The following CRKL variants were observed in gnomAD, a reference collection of about 807,000 sequenced individuals.
CRKL encodes the protein CRK like proto-oncogene, adaptor protein.
A neutral mutation model predicts 23.0 loss-of-function variants in CRKL; 3 were observed. That is an observed-to-expected ratio of 0.13 (90% CI 0.06 to 0.34). The LOEUF is 0.34. CRKL is among the 10% of genes least tolerant of loss of function. The pLI, the probability that CRKL is intolerant of heterozygous loss-of-function variation, is 1.00. For synonymous variants in CRKL, 188 were observed against 160.7 expected (o/e 1.17, Z -1.28); for missense variants, 256 against 394.5 (o/e 0.65, Z 2.97).
intron 2 of CRKL, among the ~76,000 whole-genome samples, chr22:20,947,255 T>TC (rs970594671): frequency 6.6e-6 from 1 of 151,872 alleles, no homozygotes; most frequent in Non-Finnish European, 1.5e-5. Flanking sequence ...TTTTTTTTTT[T>TC]CAATAGAAGC....
At chr22:20,927,111 C>CAAAAAAAAAAAAAAAAAAAAAAA (rs371278201) in intron 1 of CRKL, among the ~76,000 whole-genome samples, 116 of 48,488 alleles carry the variant, frequency 2.4e-3, no homozygotes, top group Non-Finnish European at 2.9e-3. Flanking sequence ...GACTCCGTCT[C>CAAAAAAAAAAAAAAAAAAAAAAA]AAAAAAAAAA....
At chr22:20,941,126 G>C (rs1023448380) in intron 2 of CRKL, among the ~76,000 whole-genome samples, 4 of 152,060 alleles carry the variant, frequency 2.6e-5, no homozygotes, top group Middle Eastern at 6.8e-3. Flanking sequence ...CCAGTGTAAT[G>C]GGGCTTCTGT....
Position 20,917,732 on chromosome 22 carries a change from G to C in CRKL, c.-203G>C, listed in dbSNP as rs1929742625. The C allele has an allele frequency of 3.3e-6, 2 of 599,750 alleles. No homozygotes were observed. The highest frequency in any genetic ancestry group is 5.9e-5 in the East Asian group (2 of 34,014). The allele number at this position is 599,750 out of a possible 1,614,324, so 37.2% of individuals were successfully genotyped here. ...CATTCCCGGGCGGCTCTCTCCGTGT[G>C]GCGGCCCCGGAGCAGGCGGGCGGCG... On this transcript the variant is annotated 5_prime_UTR_variant, in exon 1 of 3. Transcript: ENST00000354336.
At chr22:20,941,588 A>ATATATATTTTT (rs1247116681) in intron 2 of CRKL, among the ~76,000 whole-genome samples, 9 of 33,538 alleles carry the variant, frequency 2.7e-4, no homozygotes, top group African/African-American at 9.7e-4. Flanking sequence ...GTATATATAT[A>ATATATATTTTT]TTTTTTTTTT....
intron 2 of CRKL, among the ~76,000 whole-genome samples, 183 bp from the exon 3 acceptor site, chr22:20,949,528 G>A (rs968936878): frequency 6.6e-6 from 1 of 152,188 alleles, no homozygotes; most frequent in Non-Finnish European, 1.5e-5. Context: ...CTTGAGCCCA[G>A]GCGTTAGAGG....
intron 1 of CRKL, among the ~76,000 whole-genome samples, chr22:20,919,257 T>A (rs1324339991): frequency 6.6e-6 from 1 of 152,150 alleles, no homozygotes; most frequent in Non-Finnish European, 1.5e-5. Flanking sequence ...TCAGCGAGGA[T>A]ATTTTTTGGA....
chr22:20,921,678 A>T (rs1049900901), intron 1 of CRKL, among the ~76,000 whole-genome samples: 2 of 151,568 alleles, frequency 1.3e-5, no homozygotes, highest in African/African-American at 4.9e-5. Context: ...GAGAAAGTCC[A>T]TTGTGTTGGG....
rs929275841 is a variant in CRKL at position 20,951,984 on chromosome 22, C to G, written c.*2139C>G. The G allele has an allele frequency of 4.5e-6, 1 of 222,858 alleles. No individual in the cohort carries two copies. The highest frequency in any genetic ancestry group is 2.2e-5 in the African/African-American group (1 of 44,732). 13.8% of individuals were successfully genotyped at this position (222,858 alleles called of 1,614,324 possible). A position where few individuals can be genotyped will look rare whatever the true frequency, so the allele number is the denominator to read the frequency against. ...AGGTTGGCTTATTTTGGGTTCAGGC[C>G]TGGCGTAGCACCCACAAGTGGCAGA... On this transcript the variant is annotated 3_prime_UTR_variant, in exon 3 of 3. Coordinates refer to ENST00000354336, the MANE Select transcript of CRKL (RefSeq NM_005207.4).
intron 2 of CRKL, among the ~76,000 whole-genome samples, chr22:20,940,566 C>CTTT (rs55853175): frequency 1.5e-3 from 196 of 134,872 alleles, no homozygotes; most frequent in African/African-American, 2.9e-3. Context: ...TTTGGTGCTC[C>CTTT]TTTTTTTTTT....
At chr22:20,918,906 C>T (rs2147892840) in intron 1 of CRKL, among the ~76,000 whole-genome samples, 1 of 151,952 alleles carries the variant, frequency 6.6e-6, no homozygotes, top group South Asian at 2.1e-4. Flanking sequence ...CGTTTTTAAG[C>T]CATAGACTTC....
At chr22:20,936,820 C>G (rs1484728517) in intron 2 of CRKL, among the ~76,000 whole-genome samples, 1 of 151,490 alleles carries the variant, frequency 6.6e-6, no homozygotes, top group African/African-American at 2.4e-5. Context: ...GAGGCTGCCT[C>G]CACAGATAGG....
Position 20,917,970 on chromosome 22 carries a change from C to T in CRKL, c.36C>T (p.Ser12=), listed in dbSNP as rs150673692. 932 of 1,614,134 alleles carry T rather than the reference C, an allele frequency of 5.8e-4. 3 individuals are homozygous for T. In the African/African-American group the frequency reaches 0.011, roughly 19 times the overall value. ...SSARFDSSDR[S]AWYMGPVSRQ... ...CCAGGTTCGACTCCTCGGACCGCTCCGCCTGGTATATGGGGCCGGTGTCTC... is the reference window on the plus strand; with the variant it reads ...CCAGGTTCGACTCCTCGGACCGCTCTGCCTGGTATATGGGGCCGGTGTCTC... Residue 12 remains serine, a synonymous_variant, in exon 1 of 3, where the codon TCC becomes TCT. Transcript: ENST00000354336.
intron 2 of CRKL, among the ~76,000 whole-genome samples, chr22:20,936,595 C>T (rs954745763): frequency 6.6e-6 from 1 of 152,138 alleles, no homozygotes; most frequent in Admixed American, 6.5e-5. Flanking sequence ...AGGTGATCTG[C>T]CCACCTCGGC....
intron 2 of CRKL, among the ~76,000 whole-genome samples, chr22:20,943,224 TTTTG>T (rs1234638444): frequency 1.3e-5 from 2 of 152,086 alleles, no homozygotes; most frequent in African/African-American, 4.8e-5. Flanking sequence ...ATTTGAGCGT[TTTTG>T]TTTTTTATTT....
intron 1 of CRKL, among the ~76,000 whole-genome samples, chr22:20,927,405 T>A (rs1921260286): frequency 6.7e-6 from 1 of 149,582 alleles, no homozygotes; most frequent in Admixed American, 6.7e-5. Context: ...TGGACCAGGC[T>A]GGTCTCAAAC....
chr22:20,925,030 A>G (rs948048846), intron 1 of CRKL, among the ~76,000 whole-genome samples: 2 of 152,072 alleles, frequency 1.3e-5, no homozygotes, highest in African/African-American at 4.8e-5. Context: ...TCTACTAAAA[A>G]TACAAAAACT....
At chr22:20,929,604 C>T (rs1280860083) in intron 1 of CRKL, among the ~76,000 whole-genome samples, 1 of 152,178 alleles carries the variant, frequency 6.6e-6, no homozygotes, top group Middle Eastern at 3.2e-3. Context: ...GCTGGGCCTA[C>T]AGGCACACGC....
At chr22:20,919,884 A>G (rs928999694) in intron 1 of CRKL, among the ~76,000 whole-genome samples, 3 of 152,216 alleles carry the variant, frequency 2.0e-5, no homozygotes, top group Non-Finnish European at 4.4e-5. Flanking sequence ...AAGATTAACT[A>G]CTGAACTAAA....
chr22:20,932,682 T>C (rs994744159), intron 1 of CRKL, among the ~76,000 whole-genome samples: 14 of 152,220 alleles, frequency 9.2e-5, no homozygotes, highest in African/African-American at 3.4e-4. Flanking sequence ...TGTGTGTGTA[T>C]ACTTGTAATT....
Sources: allele counts gnomAD v4.1 joint callset (sites outside exome capture counted in the v4.1 genomes callset), GRCh38; gene constraint gnomAD v4.1.1; transcripts MANE v1.5; gene names NCBI Gene and HGNC (gene_info 2026-07-23, HGNC 2026-07-21).